SAMD12: variants seen among roughly 807,000 people sequenced by gnomAD.
SAMD12 encodes sterile alpha motif domain-containing protein 12.
SAMD12 carries 9 observed loss-of-function variants against 15.0 expected under a neutral mutation model. The ratio of observed to expected loss-of-function variants is 0.60; its 90% CI spans 0.36 to 1.05. SAMD12 has a LOEUF of 1.05. SAMD12 is among the 50% of genes least tolerant of loss of function. SAMD12 has a pLI of 0.01. For missense variants in SAMD12, 230 were observed against 234.2 expected (o/e 0.98, Z 0.12); for synonymous variants, 86 against 90.1 (o/e 0.96, Z 0.25).
In SAMD12 at chr8:118,197,663, A is replaced by G. The variant is rs367579988; in HGVS notation, c.*47T>C. On this transcript the variant is annotated 3_prime_UTR_variant, in exon 5 of 5. Coordinates refer to the SAMD12 transcript ENST00000409003. Reference sequence around the variant, plus strand: ...TTAGTCTTTCTGTGAGGAACAGGCCATGTTCATATCAACTGGCAGGACAGC... The same window carrying G: ...TTAGTCTTTCTGTGAGGAACAGGCCGTGTTCATATCAACTGGCAGGACAGC... 2.7e-5 allele frequency: 41 copies of G among 1,529,226 alleles called. 1 individual carries two copies. The Middle Eastern group carries it at 1.3e-3, about 50-fold the overall frequency. 94.7% of individuals were successfully genotyped at this position (1,529,226 alleles called of 1,614,324 possible). A position where few individuals can be genotyped will look rare whatever the true frequency, so the allele number is the denominator to read the frequency against.
intron 2 of SAMD12, among the ~76,000 whole-genome samples, chr8:118,448,571 C>T (rs1337569755): frequency 6.6e-6 from 1 of 152,216 alleles, no homozygotes; most frequent in Non-Finnish European, 1.5e-5. Flanking sequence ...TGGTTCAGGT[C>T]CCAGCTGCGC....
chr8:118,419,579 C>T (rs980588132), intron 3 of SAMD12, among the ~76,000 whole-genome samples: 1 of 152,218 alleles, frequency 6.6e-6, no homozygotes, highest in African/African-American at 2.4e-5. Flanking sequence ...GCCATCACTT[C>T]ATCCTTTGCT....
intron 2 of SAMD12, among the ~76,000 whole-genome samples, chr8:118,563,533 A>G (rs1826766683): frequency 6.6e-6 from 1 of 152,224 alleles, no homozygotes; most frequent in African/African-American, 2.4e-5. Flanking sequence ...GATTTCTCAT[A>G]TTCTTCTTCC....
intron 3 of SAMD12, among the ~76,000 whole-genome samples, chr8:118,437,356 T>C (rs1359806011): frequency 2.0e-5 from 3 of 152,142 alleles, no homozygotes; most frequent in African/African-American, 7.2e-5. Context: ...ATTCTCTCTG[T>C]TCCCTAAGTC....
intron 2 of SAMD12, among the ~76,000 whole-genome samples, chr8:118,545,245 T>C (rs1236983600): frequency 6.6e-6 from 1 of 152,172 alleles, no homozygotes; most frequent in East Asian, 1.9e-4. Flanking sequence ...AGTAGGTGGA[T>C]TACCTGAGGT....
intron 1 of SAMD12, among the ~76,000 whole-genome samples, chr8:118,598,523 G>GT (rs1827779101): frequency 6.6e-6 from 1 of 152,160 alleles, no homozygotes; most frequent in African/African-American, 2.4e-5. Flanking sequence ...CACCCAGTCT[G>GT]TGATATTTTG....
chr8:118,274,185 C>A (rs552043014), intron 4 of SAMD12, among the ~76,000 whole-genome samples: 1 of 152,078 alleles, frequency 6.6e-6, no homozygotes, highest in South Asian at 2.1e-4. Flanking sequence ...ATGACATGAA[C>A]CTATGATTCC....
At chr8:118,369,841 T>C (rs62532691) in intron 4 of SAMD12, among the ~76,000 whole-genome samples, 35,252 of 152,014 alleles carry the variant, frequency 0.23, 4,309 homozygotes, top group African/African-American at 0.29. Context: ...TAGGCAATAC[T>C]ATTGAGGACA....
intron 4 of SAMD12, among the ~76,000 whole-genome samples, chr8:118,354,906 A>G (rs527965204): frequency 3.3e-5 from 5 of 152,356 alleles, no homozygotes; most frequent in African/African-American, 1.2e-4. Context: ...CTTAGTAAAA[A>G]TACTGACTTG....
intron 2 of SAMD12, among the ~76,000 whole-genome samples, chr8:118,476,584 C>G (rs1055571518): frequency 6.6e-6 from 1 of 152,104 alleles, no homozygotes; most frequent in African/African-American, 2.4e-5. Flanking sequence ...TGGCTGACAT[C>G]ATCACAAGAA....
At chr8:118,165,637 C>CATATAT in the SAMD12 span, among the ~76,000 whole-genome samples, 1,494 of 101,244 alleles carry the variant, frequency 0.015, 73 homozygotes, top group African/African-American at 0.055. Context: ...TATATATATA[C>CATATAT]ATATATATAT....
At chr8:118,605,457 T>A (rs1827961784) in intron 1 of SAMD12, among the ~76,000 whole-genome samples, 1 of 152,156 alleles carries the variant, frequency 6.6e-6, no homozygotes. Flanking sequence ...TAATAATCCT[T>A]GGGGTAACTA....
At chr8:118,466,139 A>G (rs1028297647) in intron 2 of SAMD12, among the ~76,000 whole-genome samples, 1 of 152,210 alleles carries the variant, frequency 6.6e-6, no homozygotes, top group Non-Finnish European at 1.5e-5. Flanking sequence ...ATAGGATTAA[A>G]AACACTCACA....
In SAMD12 at chr8:118,397,847, C is replaced by T. The variant is rs28688756; in HGVS notation, c.323-18147G>A. On this transcript the variant is annotated intron_variant, in intron 3 of 3. Transcript: ENST00000314727. ...TCGCTCTGTCACCCAGGTTGGAGTG[C>T]AGTGGTGCAATCACAGCTCACTTCA... Among the ~76,000 whole-genome samples, 887 of 152,194 alleles carry T rather than the reference C, an allele frequency of 5.8e-3. 11 individuals are homozygous for T. Among genetic ancestry groups the T allele is most frequent in the African/African-American group, 0.02 (813 of 41,518 alleles).
intron 2 of SAMD12, among the ~76,000 whole-genome samples, chr8:118,534,124 T>G (rs1037117080): frequency 3.3e-5 from 5 of 152,172 alleles, no homozygotes; most frequent in African/African-American, 1.2e-4. Flanking sequence ...AGGAGCTCTT[T>G]TAGGGCAGGC....
At chr8:118,570,888 G>GTTT (rs1826992237) in intron 2 of SAMD12, among the ~76,000 whole-genome samples, 1 of 152,072 alleles carries the variant, frequency 6.6e-6, no homozygotes, top group Admixed American at 6.5e-5. Context: ...AGATCTGTTG[G>GTTT]TTTCAAAAAG....
chr8:118,165,074 A>G, the SAMD12 span, among the ~76,000 whole-genome samples: 7 of 151,360 alleles, frequency 4.6e-5, no homozygotes, highest in Admixed American at 6.6e-5. Context: ...TTCTCATGCT[A>G]TCTGTCTGGA....
chr8:118,210,919 C>T (rs776143026), intron 4 of SAMD12, among the ~76,000 whole-genome samples: 5 of 152,202 alleles, frequency 3.3e-5, no homozygotes, highest in Non-Finnish European at 7.3e-5. Context: ...TAACCATCAT[C>T]TCTTGATTGC....
At chr8:118,298,628 C>T (rs1413393693) in intron 4 of SAMD12, among the ~76,000 whole-genome samples, 2 of 152,130 alleles carry the variant, frequency 1.3e-5, no homozygotes, top group Admixed American at 6.6e-5. Context: ...AAGGGATTCA[C>T]CTGCTAAGAA....
Sources: gnomAD v4.1 joint callset for allele counts (sites outside exome capture counted in the v4.1 genomes callset) on GRCh38, gnomAD v4.1.1 for gene constraint, MANE v1.5 for transcripts, NCBI Gene and HGNC (gene_info 2026-07-23, HGNC 2026-07-21) for gene names.